AMOTL1: variants seen among roughly 807,000 people sequenced by gnomAD.
The protein encoded by AMOTL1 is angiomotin like 1.
AMOTL1 carries 45 observed loss-of-function variants against 102.9 expected under a neutral mutation model. That is an observed-to-expected ratio of 0.44 (90% CI 0.34 to 0.56). The LOEUF (loss-of-function observed/expected upper bound fraction) is 0.56, where lower values mean the gene tolerates loss of function less well. Ranked by LOEUF, AMOTL1 falls within the 20% of genes least tolerant of loss-of-function variation. AMOTL1 has a pLI of 0.01. For synonymous variants in AMOTL1, 481 were observed against 484.7 expected, an observed-to-expected ratio of 0.99 and a Z score of 0.10; for missense variants, 1,114 against 1,225.6, an observed-to-expected ratio of 0.91 and a Z score of 1.36.
chr11:94,768,434 A>C lies in AMOTL1; in HGVS notation c.-78A>C. ...GTGAAGCCCTGTGTGAATGGGGTTG[A>C]TTGTCCGGCGCCACTTCCCCGCGCT... On this transcript the variant is annotated 5_prime_UTR_variant, in exon 1 of 13. Coordinates refer to ENST00000433060, the MANE Select transcript of AMOTL1 (RefSeq NM_130847.3). The C allele has an allele frequency of 6.5e-7, 1 of 1,543,806 alleles. No homozygotes were observed. The highest frequency in any genetic ancestry group is 8.7e-7 in the Non-Finnish European group (1 of 1,146,112).
rs561340741 is a variant in AMOTL1, at chr11:94,857,857, G to A, written c.1945-1668G>A. ...GGTACATGCTCAGTCAATACTTGTC[G>A]TCTAGATGGCTGAATGGGCGGCAGT... On this transcript the variant is annotated intron_variant, in intron 8 of 12. Coordinates refer to ENST00000433060, the MANE Select transcript of AMOTL1 (RefSeq NM_130847.3). 5.3e-5 allele frequency among the ~76,000 whole-genome samples: 8 copies of A among 152,134 alleles called. No homozygotes were observed. The South Asian group carries it at 6.2e-4, about 12-fold the overall frequency.
At chr11:94,853,249 G>T (rs1952584412) in intron 7 of AMOTL1, among the ~76,000 whole-genome samples, 1 of 152,036 alleles carries the variant, frequency 6.6e-6, no homozygotes, top group Non-Finnish European at 1.5e-5. Context: ...CATCATCCAG[G>T]TTTTAAGCCC....
intron 9 of AMOTL1, among the ~76,000 whole-genome samples, chr11:94,863,565 C>G (rs1283961477): frequency 6.6e-6 from 1 of 151,504 alleles, no homozygotes. Context: ...GCACTCCAGT[C>G]TGGGCAACAA....
At chr11:94,730,248 A>G (rs1180615738) in intron 2 of AMOTL1, among the ~76,000 whole-genome samples, 3 of 152,022 alleles carry the variant, frequency 2.0e-5, no homozygotes, top group Non-Finnish European at 4.4e-5. Context: ...CCCATCACTA[A>G]TAGCAACCCC....
chr11:94,776,452 C>A (rs1951026850), intron 1 of AMOTL1, among the ~76,000 whole-genome samples: 1 of 152,234 alleles, frequency 6.6e-6, no homozygotes, highest in Admixed American at 6.5e-5. Context: ...TGTTTTCTTG[C>A]ACCTCTTCTG....
At chr11:94,814,020 G>C (rs1213866954) in intron 3 of AMOTL1, among the ~76,000 whole-genome samples, 1 of 152,148 alleles carries the variant, frequency 6.6e-6, no homozygotes, top group East Asian at 1.9e-4. Flanking sequence ...GCACAGATGA[G>C]TCTACAACTC....
rs533043 is a variant in AMOTL1 at position 94,875,954 on chromosome 11, G to A, written c.*5159G>A. On this transcript the variant is annotated 3_prime_UTR_variant, in exon 13 of 13. Coordinates refer to ENST00000433060, the MANE Select transcript of AMOTL1 (RefSeq NM_130847.3). ...ATTCTGTAAAACTGTGTTTACTTTA[G>A]TGCATGTTATTGTCATGTTATGATG... 13,239 of 152,616 alleles carry A rather than the reference G, an allele frequency of 0.087. 1,542 individuals are homozygous for A. The highest frequency in any genetic ancestry group is 0.27 in the African/African-American group (11,123 of 41,476). The allele number at this position is 152,616 out of a possible 1,614,324, so 9.5% of individuals were successfully genotyped here.
intron 2 of AMOTL1, among the ~76,000 whole-genome samples, chr11:94,798,870 T>C (rs1951414307): frequency 6.6e-6 from 1 of 152,048 alleles, no homozygotes; most frequent in Admixed American, 6.5e-5. Context: ...AAAATTCTCA[T>C]TGGATTTGCT....
intron 1 of AMOTL1, among the ~76,000 whole-genome samples, chr11:94,788,230 G>A (rs796770193): frequency 3.3e-4 from 51 of 152,314 alleles, no homozygotes; most frequent in African/African-American, 1.2e-3. Context: ...CTATCAGGAA[G>A]GGAACATGGT....
In AMOTL1 at chr11:94,774,380, A is replaced by G. The variant is rs557046108; in HGVS notation, c.49+5820A>G. On this transcript the variant is annotated intron_variant, in intron 1 of 12. Coordinates refer to ENST00000433060, the MANE Select transcript of AMOTL1 (RefSeq NM_130847.3). Reference sequence around the variant, plus strand: ...CTCTGTGCCCTTGAGCACAGGAGGCAGGAGGAGGTGGGTCTGCATTCAGAA... The same window carrying G: ...CTCTGTGCCCTTGAGCACAGGAGGCGGGAGGAGGTGGGTCTGCATTCAGAA... 6.4e-4 allele frequency among the ~76,000 whole-genome samples: 97 copies of G among 152,324 alleles called. 1 individual carries two copies. The highest frequency in any genetic ancestry group is 2.3e-3 in the African/African-American group (96 of 41,564).
chr11:94,794,989 C>A, intron 1 of AMOTL1, 22 bp from the exon 2 acceptor site: 1 of 1,597,912 alleles, frequency 6.3e-7, no homozygotes, highest in Non-Finnish European at 8.5e-7. Flanking sequence ...CACTCATATT[C>A]ACTTCGCTTT....
chr11:94,770,606 C>G lies in AMOTL1; in HGVS notation c.49+2046C>G, dbSNP rs554335712. 1.9e-3 allele frequency among the ~76,000 whole-genome samples: 294 copies of G among 152,266 alleles called. 2 individuals are homozygous for G. The highest frequency in any genetic ancestry group is 6.6e-3 in the African/African-American group (273 of 41,532). ...ACCTGTAACGCCCCTTTCCCTCCCC[C>G]TTCTTTTTAAAATGCACAGAAGTCT... On this transcript the variant is annotated intron_variant, in intron 1 of 12. Transcript: ENST00000433060.
intron 1 of AMOTL1, among the ~76,000 whole-genome samples, chr11:94,708,425 T>C (rs1437048726): frequency 1.3e-5 from 2 of 152,184 alleles, no homozygotes; most frequent in Admixed American, 6.5e-5. Context: ...TGGGTCTTCA[T>C]TTGAATCCCA....
intron 3 of AMOTL1, among the ~76,000 whole-genome samples, chr11:94,804,568 A>G (rs1951536297): frequency 6.6e-6 from 1 of 152,216 alleles, no homozygotes; most frequent in Non-Finnish European, 1.5e-5. Context: ...TTAAGATTAC[A>G]GGTGAACACT....
At chr11:94,752,862 G>GTACAA (rs1252878271) in intron 3 of AMOTL1, among the ~76,000 whole-genome samples, 2 of 152,154 alleles carry the variant, frequency 1.3e-5, no homozygotes, top group Non-Finnish European at 2.9e-5. Flanking sequence ...GGGTACAATA[G>GTACAA]TCTACTGCTG....
At chr11:94,830,698 G>A (rs1488457110) in intron 5 of AMOTL1, among the ~76,000 whole-genome samples, 1 of 152,212 alleles carries the variant, frequency 6.6e-6, no homozygotes, top group Admixed American at 6.5e-5. Flanking sequence ...CAATAAACTC[G>A]CTGAAAGATA....
At chr11:94,865,387 C>CT (rs1157357913) in intron 10 of AMOTL1, among the ~76,000 whole-genome samples, 1 of 152,186 alleles carries the variant, frequency 6.6e-6, no homozygotes, top group East Asian at 1.9e-4. Flanking sequence ...CCCTAGGCCT[C>CT]TTATTTTGCA....
At chr11:94,729,133 A>T in intron 2 of AMOTL1, 2 of 1,053,842 alleles carry the variant, frequency 1.9e-6, no homozygotes, top group Non-Finnish European at 2.6e-6. Context: ...CACTGTACTC[A>T]GTACGTGCCC....
At chr11:94,850,365 G>C in intron 7 of AMOTL1, 106 bp downstream of exon 7, 1 of 1,389,520 alleles carries the variant, frequency 7.2e-7, no homozygotes, top group Non-Finnish European at 9.5e-7. Flanking sequence ...CCAATTCCAA[G>C]GAGTTGAGAC....
Sources: gnomAD v4.1 joint callset for allele counts (sites outside exome capture counted in the v4.1 genomes callset) on GRCh38, gnomAD v4.1.1 for gene constraint, MANE v1.5 for transcripts, NCBI Gene and HGNC (gene_info 2026-07-23, HGNC 2026-07-21) for gene names.